CATSPERB: variants seen among roughly 807,000 people sequenced by gnomAD.
The protein encoded by CATSPERB is catsper channel auxiliary subunit beta, also known as cation channel sperm-associated auxiliary subunit beta.
In CATSPERB, 93 loss-of-function variants were observed where a neutral mutation model predicts 128.3. The ratio of observed to expected loss-of-function variants is 0.72; its 90% CI spans 0.61 to 0.86. The LOEUF is 0.86. Ranked by LOEUF, CATSPERB falls within the 40% of genes least tolerant of loss-of-function variation. The pLI is 0.00. For synonymous variants in CATSPERB, 381 were observed against 448.8 expected (o/e 0.85, Z 1.91); for missense variants, 1,153 against 1,329.5 (o/e 0.87, Z 2.06).
intron 18 of CATSPERB, 100 bp downstream of exon 18, chr14:91,624,720 G>T: frequency 1.2e-6 from 1 of 827,718 alleles, no homozygotes; most frequent in Non-Finnish European, 1.7e-6. Context: ...ACTAAAATTT[G>T]AAATCTATTG....
chr14:91,726,210 A>T lies in CATSPERB; in HGVS notation c.80-1042T>A, dbSNP rs192115205. Among the ~76,000 whole-genome samples, 21 of 152,342 alleles carry T rather than the reference A, an allele frequency of 1.4e-4. No individual in the cohort carries two copies. In the East Asian group the frequency reaches 3.7e-3, roughly 27 times the overall value. On this transcript the variant is annotated intron_variant, in intron 2 of 26. Coordinates refer to ENST00000256343, the MANE Select transcript of CATSPERB (RefSeq NM_024764.4). ...GGTACCAAGAAGGCACTGAGCTGGTAAACACTTAAACCGTCCGTGGACAGC... is the reference window on the plus strand; with the variant it reads ...GGTACCAAGAAGGCACTGAGCTGGTTAACACTTAAACCGTCCGTGGACAGC...
At chr14:91,652,286 G>T (rs1328310862) in intron 15 of CATSPERB, among the ~76,000 whole-genome samples, 1 of 151,876 alleles carries the variant, frequency 6.6e-6, no homozygotes, top group East Asian at 1.9e-4. Context: ...GACTTGAAAA[G>T]AATTTACAAA....
chr14:91,608,160 G>A, intron 22 of CATSPERB, 134 bp downstream of exon 22: 1 of 588,132 alleles, frequency 1.7e-6, no homozygotes, highest in South Asian at 2.5e-5. Context: ...AGTAGAAGGA[G>A]GAGGAACAGA....
chr14:91,586,938 G>C (rs1472208837), intron 26 of CATSPERB, among the ~76,000 whole-genome samples: 1 of 152,184 alleles, frequency 6.6e-6, no homozygotes, highest in Admixed American at 6.5e-5. Flanking sequence ...AAGGAAGGTG[G>C]AGAAGGAACA....
At chr14:91,661,605 T>C (rs1409943263) in intron 14 of CATSPERB, among the ~76,000 whole-genome samples, 1 of 150,442 alleles carries the variant, frequency 6.6e-6, no homozygotes, top group Non-Finnish European at 1.5e-5. Flanking sequence ...CAATCTTGGC[T>C]CACTGCCACC....
intron 24 of CATSPERB, among the ~76,000 whole-genome samples, 191 bp downstream of exon 24, chr14:91,589,343 C>A (rs751446752): frequency 2.6e-5 from 4 of 152,212 alleles, no homozygotes; most frequent in Non-Finnish European, 5.9e-5. Flanking sequence ...AGAATCCAGG[C>A]CACTGGGAGT....
chr14:91,687,847 C>A (rs183010079), intron 10 of CATSPERB, among the ~76,000 whole-genome samples: 144 of 150,326 alleles, frequency 9.6e-4, no homozygotes, highest in African/African-American at 3.4e-3. Flanking sequence ...TCCAGCTACT[C>A]AAGAGACTGA....
chr14:91,715,440 T>G (rs1329892056), intron 5 of CATSPERB, among the ~76,000 whole-genome samples: 1 of 149,386 alleles, frequency 6.7e-6, no homozygotes, highest in African/African-American at 2.5e-5. Context: ...TAATCCCAGC[T>G]ACTGAGGAGC....
intron 17 of CATSPERB, among the ~76,000 whole-genome samples, chr14:91,634,308 G>C (rs1466734168): frequency 6.6e-6 from 1 of 152,148 alleles, no homozygotes; most frequent in East Asian, 1.9e-4. Context: ...TGATTAGGCT[G>C]AGGAGGCCTT....
intron 6 of CATSPERB, among the ~76,000 whole-genome samples, chr14:91,707,449 A>ATT: frequency 6.7e-6 from 1 of 149,960 alleles, no homozygotes; most frequent in African/African-American, 2.4e-5. Context: ...AATTAGTAAC[A>ATT]TTTTTTTTTT....
intron 21 of CATSPERB, among the ~76,000 whole-genome samples, chr14:91,609,077 G>C (rs941842): frequency 0.67 from 101,434 of 152,066 alleles, 34,610 homozygotes; most frequent in Admixed American, 0.76. Flanking sequence ...ATTTATAGTA[G>C]TATTCTGTAT....
intron 6 of CATSPERB, among the ~76,000 whole-genome samples, chr14:91,705,887 T>C (rs189906890): frequency 1.8e-3 from 273 of 152,260 alleles, no homozygotes; most frequent in Non-Finnish European, 1.1e-3. Context: ...CTTTTGGATA[T>C]GCAAAGGATT....
chr14:91,727,506 A>G (rs1022481357), intron 2 of CATSPERB, among the ~76,000 whole-genome samples: 5 of 150,664 alleles, frequency 3.3e-5, no homozygotes, highest in Non-Finnish European at 7.4e-5. Context: ...ACATATCTTT[A>G]CAAATATCAC....
chr14:91,655,997 G>T (rs1468205969), intron 15 of CATSPERB, among the ~76,000 whole-genome samples: 1 of 152,062 alleles, frequency 6.6e-6, no homozygotes, highest in African/African-American at 2.4e-5. Flanking sequence ...TCTGGCACAG[G>T]CTTTTCAGTG....
chr14:91,727,497 C>T (rs1057456559), intron 2 of CATSPERB, among the ~76,000 whole-genome samples: 2 of 152,104 alleles, frequency 1.3e-5, no homozygotes, highest in East Asian at 1.9e-4. Flanking sequence ...TATAAGTAAA[C>T]ATATCTTTAC....
intron 15 of CATSPERB, among the ~76,000 whole-genome samples, chr14:91,647,875 A>G (rs1029020424): frequency 1.2e-4 from 19 of 152,328 alleles, no homozygotes; most frequent in African/African-American, 4.6e-4. Context: ...TGTTTCTATT[A>G]GCTTTTCAGG....
chr14:91,678,062 C>T (rs1000477520), intron 11 of CATSPERB, among the ~76,000 whole-genome samples: 2 of 152,142 alleles, frequency 1.3e-5, no homozygotes, highest in Admixed American at 1.3e-4. Flanking sequence ...GAACAACACA[C>T]ACCAGGGCCA....
At chr14:91,687,224 GT>G (rs1875325130) in intron 10 of CATSPERB, among the ~76,000 whole-genome samples, 1 of 152,122 alleles carries the variant, frequency 6.6e-6, no homozygotes, top group African/African-American at 2.4e-5. Flanking sequence ...AACTTTTTTA[GT>G]TTTTAACTAT....
At chr14:91,726,556 T>C (rs1896123351) in intron 2 of CATSPERB, among the ~76,000 whole-genome samples, 2 of 152,212 alleles carry the variant, frequency 1.3e-5, no homozygotes, top group Admixed American at 6.5e-5. Flanking sequence ...CTTAGGGTCA[T>C]CTAGGTTCCT....
Sources: gnomAD v4.1 joint callset for allele counts (sites outside exome capture counted in the v4.1 genomes callset) on GRCh38, gnomAD v4.1.1 for gene constraint, MANE v1.5 for transcripts, NCBI Gene and HGNC (gene_info 2026-07-23, HGNC 2026-07-21) for gene names.